Variants in KCNH6 observed in about 807,000 individuals in gnomAD.
KCNH6 encodes potassium voltage-gated channel subfamily H member 6.
Under a neutral mutation model 83.4 loss-of-function variants are expected in KCNH6, and 81 were observed. That is an observed-to-expected ratio of 0.97 (90% CI 0.81 to 1.17). The LOEUF (loss-of-function observed/expected upper bound fraction) is 1.17. Ranked by LOEUF, KCNH6 falls within the 50% of genes most tolerant of loss-of-function variation. The probability of loss-of-function intolerance (pLI) is 0.00; values close to 1 mark genes in which losing one functional copy is unlikely to be tolerated. For missense variants in KCNH6, 1,203 were observed against 1,290.5 expected, an observed-to-expected ratio of 0.93 and a Z score of 1.04; for synonymous variants, 503 against 545.6, an observed-to-expected ratio of 0.92 and a Z score of 1.09.
rs558067199 is a variant in KCNH6 at position 63,533,429 on chromosome 17, C to T, written c.676-457C>T. On this transcript the variant is annotated intron_variant, in intron 4 of 12. Coordinates refer to ENST00000314672, the MANE Select transcript of KCNH6 (RefSeq NM_001278919.2). The surrounding 1 kb of genome is among the most constrained non-coding windows in gnomAD (Gnocchi z 4.1). ...GGCCCTCAGAAAGGAAGACATTCTT[C>T]TAGGGGTGACCTGTTCCCATCAGGA... Among the ~76,000 whole-genome samples, 2 of 152,024 alleles carry T rather than the reference C, an allele frequency of 1.3e-5. No individual in the cohort carries two copies. Among genetic ancestry groups the T allele is most frequent in the Non-Finnish European group, 2.9e-5 (2 of 67,976 alleles).
chr17:63,548,831 G>A (rs1179613477), downstream of KCNH6: 2 of 151,944 alleles, frequency 1.3e-5, no homozygotes, highest in African/African-American at 2.4e-5. Flanking sequence ...CATGGTGGCG[G>A]GCGCCTGTAA....
intron 2 of KCNH6, among the ~76,000 whole-genome samples, chr17:63,528,896 A>G (rs1021693617): frequency 1.3e-5 from 2 of 152,094 alleles, no homozygotes; most frequent in African/African-American, 4.8e-5. Context: ...GTGCAGTGGC[A>G]TGATCTTGGT....
chr17:63,543,323 G>A (rs990781321), intron 9 of KCNH6, among the ~76,000 whole-genome samples: 9 of 152,160 alleles, frequency 5.9e-5, no homozygotes, highest in African/African-American at 2.2e-4. Flanking sequence ...AGACTGACAG[G>A]TTAGGACTCT....
intron 2 of KCNH6, among the ~76,000 whole-genome samples, 185 bp downstream of exon 2, chr17:63,524,554 G>C (rs2031573410): frequency 6.6e-6 from 1 of 152,232 alleles, no homozygotes; most frequent in Admixed American, 6.5e-5. Flanking sequence ...CTTTGCAGGA[G>C]CTAGGGATCA....
intron 9 of KCNH6, among the ~76,000 whole-genome samples, chr17:63,542,897 C>G (rs1340806641): frequency 6.6e-6 from 1 of 152,208 alleles, no homozygotes; most frequent in Non-Finnish European, 1.5e-5. Flanking sequence ...ACAAAGCTGT[C>G]TCTTCTCATG....
At chr17:63,544,993 C>A in intron 11 of KCNH6, 85 bp from the exon 12 acceptor site, 1 of 1,348,922 alleles carries the variant, frequency 7.4e-7, no homozygotes, top group Non-Finnish European at 1.0e-6. Context: ...CTAGCAGGAA[C>A]AGCACGCAGG....
rs1211557167 is a variant in KCNH6 at position 63,545,864 on chromosome 17, G to A, written c.2839G>A (p.Gly947Ser). Residue 947 changes from glycine (G) to serine (S), a missense_variant, in exon 13 of 13, where the codon GGC becomes AGC. Physicochemically the swap from Gly to Ser is moderately conservative, Grantham distance 56. Coordinates refer to ENST00000314672, the MANE Select transcript of KCNH6 (RefSeq NM_001278919.2). ...VPKQLDFQRH[G>S]SDPGFAGSWG... ...CAAGCAGCTGGACTTCCAGAGACAT[G>A]GCTCAGATCCTGGATTTGCAGGGAG... 1 of 1,613,884 alleles carries A rather than the reference G, an allele frequency of 6.2e-7. No homozygotes were observed. The highest frequency in any genetic ancestry group is 8.5e-7 in the Non-Finnish European group (1 of 1,180,020).
In KCNH6 at chr17:63,534,732, G is replaced by A. The variant is rs117608462; in HGVS notation, c.1101+421G>A. 3.3e-5 allele frequency among the ~76,000 whole-genome samples: 5 copies of A among 152,106 alleles called. No homozygotes were observed. Among genetic ancestry groups the A allele is most frequent in the African/African-American group, 1.2e-4 (5 of 41,420 alleles). Reference sequence around the variant, plus strand: ...GTCCACCTGGCTGCCCATAGGTGACGTGAAGGCATCTACATGCCTTTCTCA... The same window carrying A: ...GTCCACCTGGCTGCCCATAGGTGACATGAAGGCATCTACATGCCTTTCTCA... On this transcript the variant is annotated intron_variant, in intron 5 of 12. Coordinates refer to ENST00000314672, the MANE Select transcript of KCNH6 (RefSeq NM_001278919.2). This position sits in a 1 kb window ranked among gnomAD's most constrained non-coding sequence, Gnocchi z 5.0.
At chr17:63,531,120 T>A (rs2032079414) in intron 4 of KCNH6, among the ~76,000 whole-genome samples, 1 of 152,156 alleles carries the variant, frequency 6.6e-6, no homozygotes, top group South Asian at 2.1e-4. Context: ...CCCCGGCAGC[T>A]CCTCCTTGGC....
intron 2 of KCNH6, among the ~76,000 whole-genome samples, chr17:63,529,148 TTTAGCTGGTATTG>T (rs796277351): frequency 4.6e-5 from 7 of 152,298 alleles, no homozygotes; most frequent in African/African-American, 1.7e-4. Context: ...CATGGGGCAT[TTTAGCTGGTATTG>T]TTCCATCCAC....
At position 63,538,521 on chromosome 17, in the gene KCNH6, G is replaced by C. The variant is rs1229247247; in HGVS notation, c.1813G>C (p.Ala605Pro). 5.0e-6 allele frequency: 8 copies of C among 1,605,734 alleles called. No individual in the cohort carries two copies. The highest frequency in any genetic ancestry group is 1.3e-5 in the African/African-American group (1 of 74,718). ...FSGAGKGCLR[A>P]LAVKFKTTHA... ...CGGCGCCGGCAAGGGCTGCCTGCGC[G>C]CGCTAGCCGTCAAGTTCAAGACCAC... is the stretch of plus-strand genomic sequence containing the variant. Residue 605 changes from alanine (A) to proline (P), a missense_variant, in exon 8 of 13, where the codon GCG becomes CCG. By Grantham distance (27) the Ala-to-Pro change is conservative. Coordinates refer to ENST00000314672, the MANE Select transcript of KCNH6 (RefSeq NM_001278919.2). This position sits in a 1 kb window ranked among gnomAD's most constrained non-coding sequence, Gnocchi z 4.0.
chr17:63,532,185 A>G (rs1597984398), intron 4 of KCNH6, among the ~76,000 whole-genome samples: 1 of 151,188 alleles, frequency 6.6e-6, no homozygotes, highest in Non-Finnish European at 1.5e-5. Flanking sequence ...ACTTTAAACC[A>G]CCCCCCACCA....
At position 63,543,648 on chromosome 17, in the gene KCNH6, G is replaced by A. The variant is rs747339763; in HGVS notation, c.2221G>A (p.Asp741Asn). Reference sequence around the variant, plus strand: ...AGACCACCAAGGTTTCTTTCTCAGTGACAACCAGTCAGGTGAGCAAAGCCA... The same window carrying A: ...AGACCACCAAGGTTTCTTTCTCAGTAACAACCAGTCAGGTGAGCAAAGCCA... ...SQDHQGFFLSDNQSDAAPPLS... is the reference protein window; with the variant it reads ...SQDHQGFFLSNNQSDAAPPLS... Residue 741 changes from aspartate (D) to asparagine (N), a missense_variant, in exon 10 of 13, where the codon GAC (aspartate) becomes AAC (asparagine). Coordinates refer to ENST00000314672, the MANE Select transcript of KCNH6 (RefSeq NM_001278919.2). 11 of 1,611,524 alleles carry A rather than the reference G, an allele frequency of 6.8e-6. No individual in the cohort carries two copies. In the Admixed American group the frequency reaches 1.3e-4, roughly 20 times the overall value.
Position 63,538,284 on chromosome 17 carries a change from C to T in KCNH6, c.1701+20C>T, listed in dbSNP as rs1186722989. 2 of 1,586,220 alleles carry T rather than the reference C, an allele frequency of 1.3e-6. No homozygotes were observed. The highest frequency in any genetic ancestry group is 1.7e-5 in the Admixed American group (1 of 57,870). ...AACGCGGTGAGCCCCGCCGCTCCGG[C>T]TAATGCCCCGGGCGTGGGGGGGAGC... On this transcript the variant is annotated intron_variant, in intron 7 of 12. Coordinates refer to ENST00000314672, the MANE Select transcript of KCNH6 (RefSeq NM_001278919.2). The surrounding 1 kb of genome is among the most constrained non-coding windows in gnomAD (Gnocchi z 4.0).
intron 2 of KCNH6, among the ~76,000 whole-genome samples, chr17:63,526,756 A>G: frequency 6.6e-6 from 1 of 151,948 alleles, no homozygotes; most frequent in Non-Finnish European, 1.5e-5. Context: ...TTTTCCTCTA[A>G]AGGGGTAATC....
In KCNH6 at chr17:63,523,549, G is replaced by A; in HGVS notation, c.76+60G>A. 1.4e-6 allele frequency: 2 copies of A among 1,460,156 alleles called. No individual in the cohort carries two copies. Among genetic ancestry groups the A allele is most frequent in the Non-Finnish European group, 1.9e-6 (2 of 1,062,230 alleles). The allele number at this position is 1,460,156 out of a possible 1,614,324, so 90.4% of individuals were successfully genotyped here. ...TGGAGTCCTGGTTCCGTGAAAGGGG[G>A]GGCTGGACCCCTTTACTAACTTCTA... On this transcript the variant is annotated intron_variant, in intron 1 of 12. Coordinates refer to ENST00000314672, the MANE Select transcript of KCNH6 (RefSeq NM_001278919.2). The surrounding 1 kb of genome is among the most constrained non-coding windows in gnomAD (Gnocchi z 4.2).
intron 4 of KCNH6, among the ~76,000 whole-genome samples, chr17:63,531,678 G>A (rs552725344): frequency 6.6e-6 from 1 of 152,358 alleles, no homozygotes; most frequent in East Asian, 1.9e-4. Flanking sequence ...GTGGCCCAAA[G>A]GCCTGACCCT....
chr17:63,542,160 G>T, intron 8 of KCNH6, 81 bp from the exon 9 acceptor site: 3 of 1,437,140 alleles, frequency 2.1e-6, no homozygotes, highest in East Asian at 4.6e-5. Context: ...GTCCGAGGTT[G>T]GGGGAGGTCA....
intron 8 of KCNH6, among the ~76,000 whole-genome samples, chr17:63,541,046 T>C (rs2032829375): frequency 6.6e-6 from 1 of 152,168 alleles, no homozygotes; most frequent in Non-Finnish European, 1.5e-5. Flanking sequence ...GTTCTTCCTG[T>C]TTCTAGGGCT....
Sources: allele counts gnomAD v4.1 joint callset (sites outside exome capture counted in the v4.1 genomes callset), GRCh38; gene constraint gnomAD v4.1.1; non-coding constraint Gnocchi (gnomAD v3.1); transcripts MANE v1.5; gene names NCBI Gene and HGNC (gene_info 2026-07-23, HGNC 2026-07-21).